Variants in USH2A observed in about 807,000 individuals in gnomAD.
USH2A encodes usherin, also known as Usher syndrome 2A (autosomal recessive, mild).
Under a neutral mutation model 538.9 loss-of-function variants are expected in USH2A, and 443 were observed. That is an observed-to-expected ratio of 0.82 (90% CI 0.76 to 0.89). The LOEUF is 0.89. Ranked by LOEUF, USH2A falls within the 40% of genes least tolerant of loss-of-function variation. USH2A has a pLI of 0.00. For synonymous variants in USH2A, 2,413 were observed against 2,273.5 expected, an observed-to-expected ratio of 1.06 and a Z score of -1.75; for missense variants, 6,633 against 6,324.8, an observed-to-expected ratio of 1.05 and a Z score of -1.65.
chr1:216,320,726 A>T (rs2037589903), intron 9 of USH2A, among the ~76,000 whole-genome samples: 1 of 152,126 alleles, frequency 6.6e-6, no homozygotes, highest in African/African-American at 2.4e-5. Context: ...CAATTTGTTC[A>T]TTTGTAAATT....
At chr1:215,729,793 GCTAA>G (rs1659939413) in intron 60 of USH2A, among the ~76,000 whole-genome samples, 1 of 152,064 alleles carries the variant, frequency 6.6e-6, no homozygotes, top group African/African-American at 2.4e-5. Flanking sequence ...ACTAGGCCTG[GCTAA>G]CTTTTAAAAT....
Position 216,144,828 on chromosome 1 carries a change from C to T in USH2A, c.4627+30424G>A, listed in dbSNP as rs145255244. Among the ~76,000 whole-genome samples the T allele has an allele frequency of 4.2e-3, 644 of 152,280 alleles. 2 individuals are homozygous for T. Among genetic ancestry groups the T allele is most frequent in the Non-Finnish European group, 5.9e-3 (399 of 68,012 alleles). ...CCATCTTTCCTCCTAGGGTCTGTCC[C>T]TAACCCTGAGTCCCTTAGTCCATTC... On this transcript the variant is annotated intron_variant, in intron 21 of 71. Transcript: ENST00000307340.
intron 61 of USH2A, among the ~76,000 whole-genome samples, chr1:215,709,536 A>G (rs1188231976): frequency 6.6e-6 from 1 of 151,536 alleles, no homozygotes; most frequent in East Asian, 2.0e-4. Context: ...CAATGATCTG[A>G]TGAATAAAGT....
rs2038012678 is a variant in USH2A at position 216,338,279 on chromosome 1, T to C, written c.785-10625A>G. Among the ~76,000 whole-genome samples the C allele has an allele frequency of 2.0e-5, 3 of 151,404 alleles. No homozygotes were observed. In the South Asian group the frequency reaches 6.2e-4, roughly 31 times the overall value. On this transcript the variant is annotated intron_variant, in intron 4 of 71. Coordinates refer to ENST00000307340, the MANE Select transcript of USH2A (RefSeq NM_206933.4). Reference sequence around the variant, plus strand: ...GCTTTTGGCAAGAAGTTAATCAAATTGACCTCTGAAACAAGATGTTAAACA... The same window carrying C: ...GCTTTTGGCAAGAAGTTAATCAAATCGACCTCTGAAACAAGATGTTAAACA...
rs1064797132 is a variant in USH2A, at chr1:215,741,492, G to T, written c.11594C>A (p.Ala3865Glu). The T allele has an allele frequency of 9.3e-6, 15 of 1,613,634 alleles. No individual in the cohort carries two copies. Among genetic ancestry groups the T allele is most frequent in the Non-Finnish European group, 1.3e-5 (15 of 1,179,934 alleles). ...AGGAGAATTAAGATCCATTGGGGCTGCTTCAGGTGTTTTGACAAACATCCT... is the reference window on the plus strand; with the variant it reads ...AGGAGAATTAAGATCCATTGGGGCTTCTTCAGGTGTTTTGACAAACATCCT... ...SSRMFVKTPE[A>E]APMDLNSPVL... Residue 3865 changes from alanine (A) to glutamate (E), a missense_variant, in exon 60 of 72, where the codon GCA (alanine) becomes GAA (glutamate). Physicochemically the swap from Ala to Glu is moderately radical, Grantham distance 107. Coordinates refer to ENST00000307340, the MANE Select transcript of USH2A (RefSeq NM_206933.4).
intron 14 of USH2A, among the ~76,000 whole-genome samples, chr1:216,229,984 G>C (rs1422056129): frequency 6.6e-6 from 1 of 152,160 alleles, no homozygotes; most frequent in Non-Finnish European, 1.5e-5. Context: ...AAAAAGCTGA[G>C]ACAATCAGAC....
chr1:216,378,815 C>T (rs1432742578), intron 3 of USH2A, among the ~76,000 whole-genome samples: 1 of 151,982 alleles, frequency 6.6e-6, no homozygotes, highest in Non-Finnish European at 1.5e-5. Context: ...GACTAGAAGA[C>T]TCATTTCTTT....
At chr1:216,089,974 C>T (rs968268506) in intron 22 of USH2A, among the ~76,000 whole-genome samples, 1 of 151,912 alleles carries the variant, frequency 6.6e-6, no homozygotes, top group African/African-American at 2.4e-5. Context: ...GATATCCCAA[C>T]TTTGTCACCA....
chr1:216,061,979 C>T (rs932457266), intron 30 of USH2A, among the ~76,000 whole-genome samples: 2 of 152,032 alleles, frequency 1.3e-5, no homozygotes, highest in Non-Finnish European at 2.9e-5. Flanking sequence ...AACTGGATGC[C>T]CAGTAAGATG....
intron 25 of USH2A, 21 bp downstream of exon 25, chr1:216,084,677 A>C (rs564237785): frequency 1.2e-6 from 2 of 1,611,438 alleles, no homozygotes; most frequent in African/African-American, 2.7e-5. Flanking sequence ...GTGAACACTC[A>C]TGTCTTTTTT....
chr1:216,127,824 C>A (rs1435864639), intron 21 of USH2A, among the ~76,000 whole-genome samples: 5 of 152,068 alleles, frequency 3.3e-5, no homozygotes, highest in Admixed American at 3.3e-4. Flanking sequence ...TGTAGAATGG[C>A]CTTTCCTTGG....
intron 17 of USH2A, among the ~76,000 whole-genome samples, chr1:216,199,160 T>G (rs1275240901): frequency 6.6e-6 from 1 of 152,230 alleles, no homozygotes; most frequent in African/African-American, 2.4e-5. Context: ...GTCTGGCCTA[T>G]ATAACCAAGG....
At chr1:216,058,889 G>T (rs2031077487) in intron 30 of USH2A, among the ~76,000 whole-genome samples, 1 of 152,126 alleles carries the variant, frequency 6.6e-6, no homozygotes, top group Non-Finnish European at 1.5e-5. Context: ...CTTACCTTGA[G>T]CAAGGTAGTG....
chr1:216,267,664 A>G (rs2036501352), intron 11 of USH2A, among the ~76,000 whole-genome samples: 1 of 152,012 alleles, frequency 6.6e-6, no homozygotes, highest in Non-Finnish European at 1.5e-5. Context: ...GCTCCTCCCA[A>G]ATTAGAGGAT....
chr1:216,200,745 A>T (rs1430048709), intron 16 of USH2A, among the ~76,000 whole-genome samples: 1 of 152,160 alleles, frequency 6.6e-6, no homozygotes, highest in Non-Finnish European at 1.5e-5. Flanking sequence ...AAAATAAGAT[A>T]GGGAGTGGAG....
At chr1:216,202,148 G>T (rs982480046) in intron 16 of USH2A, among the ~76,000 whole-genome samples, 3 of 151,564 alleles carry the variant, frequency 2.0e-5, no homozygotes, top group African/African-American at 7.3e-5. Flanking sequence ...AAACCTAAAA[G>T]AAAAAAATAA....
intron 30 of USH2A, among the ~76,000 whole-genome samples, chr1:216,064,997 AT>A (rs1311653788): frequency 9.2e-5 from 14 of 152,348 alleles, no homozygotes; most frequent in Middle Eastern, 3.4e-3. Flanking sequence ...AAACAAAAAA[AT>A]CTCAGAGAAA....
intron 48 of USH2A, among the ~76,000 whole-genome samples, chr1:215,816,336 T>C (rs1662857112): frequency 6.6e-6 from 1 of 152,084 alleles, no homozygotes; most frequent in Non-Finnish European, 1.5e-5. Context: ...GTGTCAGCCA[T>C]AATAATTTGT....
intron 61 of USH2A, among the ~76,000 whole-genome samples, chr1:215,692,529 C>A (rs1229040424): frequency 1.3e-5 from 2 of 152,018 alleles, no homozygotes; most frequent in African/African-American, 4.8e-5. Flanking sequence ...CTGTATATGG[C>A]AAACTGATAT....
Sources: allele counts gnomAD v4.1 joint callset (sites outside exome capture counted in the v4.1 genomes callset), GRCh38; gene constraint gnomAD v4.1.1; transcripts MANE v1.5; gene names NCBI Gene and HGNC (gene_info 2026-07-23, HGNC 2026-07-21).